Variants in NFKBIZ observed in about 807,000 individuals in gnomAD.
NFKBIZ encodes the protein NF-kappa-B inhibitor zeta.
Under a neutral mutation model 76.8 loss-of-function variants are expected in NFKBIZ, and 19 were observed. The ratio of observed to expected loss-of-function variants is 0.25; its 90% CI spans 0.17 to 0.36. The LOEUF (loss-of-function observed/expected upper bound fraction) is 0.36. Ranked by LOEUF, NFKBIZ falls within the 10% of genes least tolerant of loss-of-function variation. NFKBIZ has a pLI of 1.00. For synonymous variants in NFKBIZ, 368 were observed against 354.8 expected (o/e 1.04, Z -0.42); for missense variants, 829 against 910.9 (o/e 0.91, Z 1.16).
At chr3:101,855,672 T>C in intron 8 of NFKBIZ, 61 bp from the exon 9 acceptor site, 1 of 1,514,328 alleles carries the variant, frequency 6.6e-7, no homozygotes, top group African/African-American at 1.4e-5. Flanking sequence ...TTTGTCATTA[T>C]AGAAGGACCA....
At chr3:101,829,877 TTTTGTG>T (rs746695581) in intron 2 of NFKBIZ, among the ~76,000 whole-genome samples, 3 of 62,780 alleles carry the variant, frequency 4.8e-5, no homozygotes, top group African/African-American at 1.0e-4. Flanking sequence ...AACTAAGATT[TTTTGTG>T]TGTGTGTGTG....
At chr3:101,839,691 C>T (rs1036483421) in intron 2 of NFKBIZ, among the ~76,000 whole-genome samples, 2 of 152,122 alleles carry the variant, frequency 1.3e-5, no homozygotes, top group South Asian at 2.1e-4. Flanking sequence ...AAGGGTCTTT[C>T]GTCAAAAATT....
chr3:101,838,423 G>T (rs577001069), intron 2 of NFKBIZ, among the ~76,000 whole-genome samples: 50 of 152,302 alleles, frequency 3.3e-4, no homozygotes, highest in Admixed American at 9.2e-4. Context: ...GTGCCTCTAA[G>T]CACTTTTGCT....
At chr3:101,850,459 G>C (rs986744681) in intron 1 of NFKBIZ, 1 of 152,254 alleles carries the variant, frequency 6.6e-6, no homozygotes, top group East Asian at 1.9e-4. Context: ...CTCAAGTTAT[G>C]CCTTTAGTTT....
chr3:101,840,779 A>T (rs1180325978), intron 2 of NFKBIZ, among the ~76,000 whole-genome samples: 1 of 152,160 alleles, frequency 6.6e-6, no homozygotes, highest in African/African-American at 2.4e-5. Context: ...CCATCAGGGG[A>T]CAGACCTTGT....
chr3:101,837,832 G>C (rs1271589849), intron 2 of NFKBIZ, among the ~76,000 whole-genome samples: 6 of 152,158 alleles, frequency 3.9e-5, no homozygotes, highest in Non-Finnish European at 8.8e-5. Context: ...ATAAAATCCA[G>C]AATCAGATTA....
At chr3:101,854,928 C>A in intron 6 of NFKBIZ, 134 bp from the exon 7 acceptor site, 3 of 1,012,432 alleles carry the variant, frequency 3.0e-6, no homozygotes, top group South Asian at 1.8e-5. Flanking sequence ...CCTTGTCTTA[C>A]AGTATCTGAT....
At chr3:101,843,439 T>C (rs1006622798) in intron 2 of NFKBIZ, among the ~76,000 whole-genome samples, 8 of 152,116 alleles carry the variant, frequency 5.3e-5, no homozygotes, top group Non-Finnish European at 1.0e-4. Context: ...TGAAACCCTG[T>C]CTCTTAAAAA....
At chr3:101,839,443 T>C (rs185739147) in intron 2 of NFKBIZ, among the ~76,000 whole-genome samples, 63 of 152,274 alleles carry the variant, frequency 4.1e-4, no homozygotes, top group African/African-American at 1.4e-3. Flanking sequence ...AAAACATAAA[T>C]TCTAATCAAC....
chr3:101,854,406 A>G (rs1943015949), intron 5 of NFKBIZ, among the ~76,000 whole-genome samples, 172 bp from the exon 6 acceptor site: 1 of 152,114 alleles, frequency 6.6e-6, no homozygotes, highest in Admixed American at 6.5e-5. Context: ...TCCTGTTCCA[A>G]CTGGGGTGTA....
At position 101,852,926 on chromosome 3, in the gene NFKBIZ, G is replaced by C; in HGVS notation, c.501G>C (p.Gly167=). ...TATCATACAGTGGGAAAAGGAAAGGGCCCGATTCGTTGTCTGATGGACCTG... is the reference window on the plus strand; with the variant it reads ...TATCATACAGTGGGAAAAGGAAAGGCCCCGATTCGTTGTCTGATGGACCTG... ...NTVSYSGKRK[G]PDSLSDGPAC... is the part of the protein sequence containing the mutation. The change falls in exon 4 of 12, where the codon GGG becomes GGC. Residue 167 remains glycine (G), a synonymous_variant. Transcript: ENST00000326172. 1 of 1,614,160 alleles carries C rather than the reference G, an allele frequency of 6.2e-7. No homozygotes were observed. The highest frequency in any genetic ancestry group is 8.5e-7 in the Non-Finnish European group (1 of 1,180,022).
At chr3:101,835,985 A>G (rs1942715795) in intron 2 of NFKBIZ, among the ~76,000 whole-genome samples, 1 of 152,194 alleles carries the variant, frequency 6.6e-6, no homozygotes, top group South Asian at 2.1e-4. Context: ...CTAAGGGGTG[A>G]ATGGGGACCA....
chr3:101,828,544 C>T (rs964829409), intron 1 of NFKBIZ, among the ~76,000 whole-genome samples: 2 of 152,122 alleles, frequency 1.3e-5, no homozygotes, highest in African/African-American at 2.4e-5. Flanking sequence ...AGAAGTCTCC[C>T]AGGAGATTTG....
In NFKBIZ at chr3:101,854,623, TGTTCTTGCAAGAAA is replaced by T; in HGVS notation, c.1385_1398del (p.Val462AspfsTer10). On this transcript the variant is annotated frameshift_variant, in exon 6 of 12. Coordinates refer to ENST00000326172, the MANE Select transcript of NFKBIZ (RefSeq NM_031419.4). LOFTEE classifies it high-confidence loss of function. ...CCCAAGGGAGAAGGGCACTTTCCTA[TGTTCTTGCAAGAAA>T]GATGAATGCACTTCACATGCTGGAT... is the stretch of plus-strand genomic sequence containing the variant. 6.2e-7 allele frequency: 1 copy of T among 1,614,036 alleles called. No homozygotes were observed. Among genetic ancestry groups the T allele is most frequent in the Non-Finnish European group, 8.5e-7 (1 of 1,179,986 alleles).
intron 1 of NFKBIZ, chr3:101,850,170 T>G: frequency 2.6e-6 from 1 of 386,320 alleles, no homozygotes. Context: ...GGCCGAGCTC[T>G]GACTGCCGGG....
intron 2 of NFKBIZ, among the ~76,000 whole-genome samples, chr3:101,843,987 A>G (rs1370332608): frequency 6.6e-6 from 1 of 152,264 alleles, no homozygotes; most frequent in Non-Finnish European, 1.5e-5. Context: ...TATTGGCAAC[A>G]AATACTGTTA....
chr3:101,857,202 G>A lies in NFKBIZ; in HGVS notation c.1935+19G>A. The A allele has an allele frequency of 6.0e-6, 1 of 166,928 alleles. No individual in the cohort carries two copies. The highest frequency in any genetic ancestry group is 8.8e-6 in the Non-Finnish European group (1 of 113,242). 10.3% of individuals were successfully genotyped at this position (166,928 alleles called of 1,614,324 possible). On this transcript the variant is annotated intron_variant, in intron 10 of 11. Coordinates refer to ENST00000326172, the MANE Select transcript of NFKBIZ (RefSeq NM_031419.4). The stretch of plus-strand genomic sequence containing the variant: ...TGCAAAGGTACACCAGAGTTGGAAT[G>A]GCCTTCTGTACACCCTCTCAAAGTT...
intron 2 of NFKBIZ, among the ~76,000 whole-genome samples, chr3:101,837,491 C>CAAAAAAA (rs10713154): frequency 5.4e-5 from 5 of 93,120 alleles, no homozygotes; most frequent in African/African-American, 1.9e-4. Flanking sequence ...GATCCTGTCT[C>CAAAAAAA]AAAAAAAAAA....
chr3:101,849,076 G>A (rs1396069120), upstream of NFKBIZ: 1 of 152,266 alleles, frequency 6.6e-6, no homozygotes, highest in African/African-American at 2.4e-5. Flanking sequence ...CAGTCCCCAA[G>A]AACCAGGCCA....
Sources: allele counts gnomAD v4.1 joint callset (sites outside exome capture counted in the v4.1 genomes callset), GRCh38; gene constraint gnomAD v4.1.1; transcripts MANE v1.5; gene names NCBI Gene and HGNC (gene_info 2026-07-23, HGNC 2026-07-21).